The following SPATA6 variants were observed in gnomAD, a reference collection of about 807,000 sequenced individuals.
SPATA6 encodes spermatogenesis associated 6, also known as spermatogenesis-associated protein 6.
SPATA6 carries 56 observed loss-of-function variants against 65.3 expected under a neutral mutation model. That is an observed-to-expected ratio of 0.86 (90% CI 0.69 to 1.07). The LOEUF (loss-of-function observed/expected upper bound fraction) is 1.07, where lower values mean the gene tolerates loss of function less well. Ranked by LOEUF, SPATA6 falls within the 50% of genes least tolerant of loss-of-function variation. The pLI is 0.00. For synonymous variants in SPATA6, 199 were observed against 213.2 expected (o/e 0.93, Z 0.58); for missense variants, 590 against 594.8 (o/e 0.99, Z 0.08).
chr1:48,386,887 T>C (rs762779345), intron 8 of SPATA6, among the ~76,000 whole-genome samples: 3 of 152,214 alleles, frequency 2.0e-5, no homozygotes, highest in Non-Finnish European at 2.9e-5. Context: ...TGGAGCCCAG[T>C]GGCAGCAGGG....
At chr1:48,403,983 T>A in intron 5 of SPATA6, 101 bp from the exon 6 acceptor site, 1 of 778,862 alleles carries the variant, frequency 1.3e-6, no homozygotes, top group Non-Finnish European at 2.0e-6. Context: ...CTGTCAAAGT[T>A]CAGCTGTTTC....
intron 3 of SPATA6, among the ~76,000 whole-genome samples, chr1:48,426,195 G>C (rs544700428): frequency 6.6e-5 from 10 of 152,264 alleles, no homozygotes; most frequent in Admixed American, 1.3e-4. Flanking sequence ...GGAGAAGGAA[G>C]AGTGTATCTA....
intron 10 of SPATA6, among the ~76,000 whole-genome samples, chr1:48,359,058 A>T (rs1162785184): frequency 6.6e-6 from 1 of 152,192 alleles, no homozygotes; most frequent in Non-Finnish European, 1.5e-5. Context: ...TATGAAAAGG[A>T]ACTATTTATT....
intron 11 of SPATA6, among the ~76,000 whole-genome samples, chr1:48,354,010 A>G (rs1646587125): frequency 6.6e-6 from 1 of 152,102 alleles, no homozygotes; most frequent in African/African-American, 2.4e-5. Flanking sequence ...AAGAATCTAC[A>G]AAGAAATCTT....
chr1:48,281,972 G>T, the SPATA6 span, among the ~76,000 whole-genome samples: 3 of 152,266 alleles, frequency 2.0e-5, no homozygotes, highest in Admixed American at 6.5e-5. Context: ...CATGGTACTG[G>T]TACCAAAACA....
intron 11 of SPATA6, among the ~76,000 whole-genome samples, chr1:48,322,029 T>G (rs535177415): frequency 1.3e-5 from 2 of 152,072 alleles, no homozygotes; most frequent in South Asian, 4.2e-4. Context: ...GAGGAAAGCT[T>G]ATAGCAGTAA....
chr1:48,424,117 C>G (rs1020341488), intron 3 of SPATA6, among the ~76,000 whole-genome samples: 23 of 152,074 alleles, frequency 1.5e-4, no homozygotes, highest in Non-Finnish European at 2.8e-4. Flanking sequence ...TTTTTGTACC[C>G]ATTAACCATT....
chr1:48,375,223 T>C (rs773462735), intron 9 of SPATA6, among the ~76,000 whole-genome samples: 33 of 152,182 alleles, frequency 2.2e-4, no homozygotes, highest in Non-Finnish European at 3.2e-4. Context: ...AGTTTCCCTG[T>C]CTTTCAGAAA....
chr1:48,406,790 CA>C (rs1456122340), intron 5 of SPATA6, among the ~76,000 whole-genome samples: 1 of 152,138 alleles, frequency 6.6e-6, no homozygotes, highest in Non-Finnish European at 1.5e-5. Flanking sequence ...TTAATCTACC[CA>C]AAAACCCTAT....
intron 3 of SPATA6, among the ~76,000 whole-genome samples, chr1:48,441,836 T>C (rs1655513125): frequency 6.6e-6 from 1 of 152,204 alleles, no homozygotes; most frequent in African/African-American, 2.4e-5. Flanking sequence ...AGGATCTTAC[T>C]ATCTGGACTA....
At chr1:48,381,213 G>T (rs1009964440) in intron 9 of SPATA6, among the ~76,000 whole-genome samples, 7 of 152,092 alleles carry the variant, frequency 4.6e-5, no homozygotes, top group Admixed American at 6.5e-5. Context: ...TGTGGCCTGG[G>T]TTGGGGACTC....
the SPATA6 span, among the ~76,000 whole-genome samples, chr1:48,281,639 A>C: frequency 1.3e-5 from 2 of 151,434 alleles, no homozygotes; most frequent in Admixed American, 6.6e-5. Context: ...GACGTGAAGG[A>C]CCTCTTCAAG....
chr1:48,435,208 G>A (rs949096806), intron 3 of SPATA6, among the ~76,000 whole-genome samples: 5 of 152,262 alleles, frequency 3.3e-5, no homozygotes, highest in South Asian at 2.1e-4. Context: ...CAAGTGAGAG[G>A]TGAAGCCAGC....
At chr1:48,271,321 TA>T in the SPATA6 span, among the ~76,000 whole-genome samples, 1 of 152,158 alleles carries the variant, frequency 6.6e-6, no homozygotes, top group South Asian at 2.1e-4. Context: ...ACTTCTTATT[TA>T]AAAAAATTTA....
rs931693257 is a variant in SPATA6, at chr1:48,297,250, G to A, written c.*1463C>T. On this transcript the variant is annotated 3_prime_UTR_variant, in exon 13 of 13. Transcript: ENST00000371847. ...TCCTACGATTATCTCCTAAAACAGT[G>A]ATCTTGGTCCACAGAACATAGTTTG... 7.2e-5 allele frequency: 11 copies of A among 151,806 alleles called. No individual in the cohort carries two copies. The highest frequency in any genetic ancestry group is 2.7e-4 in the African/African-American group (11 of 41,304). The allele number at this position is 151,806 out of a possible 1,614,324, so 9.4% of individuals were successfully genotyped here. A position where few individuals can be genotyped will look rare whatever the true frequency, so the allele number is the denominator to read the frequency against.
At chr1:48,421,354 G>GA (rs1052465900) in intron 3 of SPATA6, among the ~76,000 whole-genome samples, 16 of 148,118 alleles carry the variant, frequency 1.1e-4, no homozygotes, top group South Asian at 2.1e-4. Flanking sequence ...AATAAAACTT[G>GA]AAAAAAAAAG....
chr1:48,283,754 G>T, the SPATA6 span, among the ~76,000 whole-genome samples: 1 of 133,784 alleles, frequency 7.5e-6, no homozygotes, highest in Non-Finnish European at 1.6e-5. Context: ...CTGAATATTG[G>T]TCCCCACTCT....
At chr1:48,362,181 G>A (rs1646833804) in intron 9 of SPATA6, among the ~76,000 whole-genome samples, 1 of 151,896 alleles carries the variant, frequency 6.6e-6, no homozygotes, top group Non-Finnish European at 1.5e-5. Context: ...TTGAGCTCAG[G>A]AGTTCTATGT....
intron 3 of SPATA6, among the ~76,000 whole-genome samples, chr1:48,416,412 T>C (rs1652790822): frequency 6.6e-6 from 1 of 152,052 alleles, no homozygotes; most frequent in Non-Finnish European, 1.5e-5. Flanking sequence ...ATCAAATTCC[T>C]ACAAAAAGAA....
Sources: gnomAD v4.1 joint callset for allele counts (sites outside exome capture counted in the v4.1 genomes callset) on GRCh38, gnomAD v4.1.1 for gene constraint, MANE v1.5 for transcripts, NCBI Gene and HGNC (gene_info 2026-07-23, HGNC 2026-07-21) for gene names.